AGR3: variants seen among roughly 807,000 people sequenced by gnomAD.
AGR3 encodes the protein anterior gradient protein 3.
Under a neutral mutation model 24.5 loss-of-function variants are expected in AGR3, and 37 were observed. The observed-to-expected ratio is 1.51, with a 90% CI of 1.16 to 1.99. The LOEUF is 1.99. Among genes scored for constraint, AGR3 ranks in the 30% most tolerant of loss-of-function variants. AGR3 has a pLI of 0.00. For synonymous variants in AGR3, 75 were observed against 61.6 expected (o/e 1.22, Z -1.02); for missense variants, 228 against 191.1 (o/e 1.19, Z -1.14).
intron 2 of AGR3, among the ~76,000 whole-genome samples, chr7:16,877,698 C>A (rs1270336113): frequency 6.6e-6 from 1 of 151,858 alleles, no homozygotes; most frequent in African/African-American, 2.4e-5. Context: ...CCCGTCTCTA[C>A]TAAAACTACA....
At chr7:16,875,828 T>C (rs1781976838) in intron 2 of AGR3, among the ~76,000 whole-genome samples, 1 of 152,232 alleles carries the variant, frequency 6.6e-6, no homozygotes, top group South Asian at 2.1e-4. Context: ...ACTCTTGCTC[T>C]CTGTAATAAT....
intron 3 of AGR3, chr7:16,865,565 C>G (rs1781742480): frequency 1.4e-6 from 1 of 701,844 alleles, no homozygotes; most frequent in Non-Finnish European, 2.6e-6. Context: ...ATCGACCAAT[C>G]TTCACATACT....
chr7:16,864,870 G>GA, intron 3 of AGR3: 1 of 865,264 alleles, frequency 1.2e-6, no homozygotes, highest in East Asian at 2.4e-5. Context: ...AGTCACCACT[G>GA]AGGATACCTG....
intron 7 of AGR3, 163 bp downstream of exon 7, chr7:16,860,337 C>T: frequency 3.5e-6 from 2 of 566,798 alleles, no homozygotes; most frequent in East Asian, 2.9e-5. Flanking sequence ...CTGAGGTACC[C>T]CCAAAATTCT....
chr7:16,859,231 C>CAAA (rs35424582), downstream of AGR3, among the ~76,000 whole-genome samples: 6 of 148,288 alleles, frequency 4.0e-5, no homozygotes, highest in East Asian at 2.0e-4. Flanking sequence ...GACTGCATCT[C>CAAA]AAAAAAAAAA....
At chr7:16,870,578 A>G (rs945327928) in intron 3 of AGR3, among the ~76,000 whole-genome samples, 2 of 152,144 alleles carry the variant, frequency 1.3e-5, no homozygotes, top group African/African-American at 4.8e-5. Context: ...TAATATTGTC[A>G]AATACAAAGT....
intron 1 of AGR3, among the ~76,000 whole-genome samples, chr7:16,880,270 C>T (rs1323308165): frequency 3.3e-5 from 5 of 151,254 alleles, no homozygotes; most frequent in Admixed American, 2.6e-4. Context: ...AAGCGATTCT[C>T]CTGCCTCAGC....
intron 4 of AGR3, 25 bp from the exon 5 acceptor site, chr7:16,862,085 G>T: frequency 6.4e-7 from 1 of 1,567,396 alleles, no homozygotes; most frequent in Non-Finnish European, 8.8e-7. Context: ...AAAATTGCCA[G>T]TTAGTTTTAA....
At chr7:16,864,985 G>C (rs983025317) in intron 3 of AGR3, 5 of 980,792 alleles carry the variant, frequency 5.1e-6, no homozygotes, top group Admixed American at 3.4e-5. Flanking sequence ...TGGCATGTGT[G>C]ACATTTCTAC....
chr7:16,870,616 T>A (rs977944052), intron 3 of AGR3, among the ~76,000 whole-genome samples: 3 of 152,168 alleles, frequency 2.0e-5, no homozygotes, highest in African/African-American at 7.2e-5. Context: ...AGATGTTTTA[T>A]TCTATAATGC....
chr7:16,866,062 CT>C (rs1338859590), intron 3 of AGR3: 1 of 619,688 alleles, frequency 1.6e-6, no homozygotes, highest in African/African-American at 1.8e-5. Context: ...GACAGATAGT[CT>C]TTTGAATTTT....
intron 5 of AGR3, among the ~76,000 whole-genome samples, chr7:16,861,654 A>C (rs1468298390): frequency 1.3e-5 from 2 of 152,048 alleles, no homozygotes; most frequent in African/African-American, 4.8e-5. Context: ...TAATCCCAGC[A>C]CTTTGGGAGG....
At position 16,861,380 on chromosome 7, in the gene AGR3, A is replaced by G; in HGVS notation, c.367+4T>C. 1 of 1,602,282 alleles carries G rather than the reference A, an allele frequency of 6.2e-7. No homozygotes were observed. Among genetic ancestry groups the G allele is most frequent in the Non-Finnish European group, 8.5e-7 (1 of 1,173,850 alleles). On this transcript the variant is annotated splice_donor_region_variant and intron_variant, in intron 6 of 7. Transcript: ENST00000310398. ...GATCTGATGAAATGAGATCACATACATACCTACAAACATGATTCTAGGCAC... is the reference window on the plus strand; with the variant it reads ...GATCTGATGAAATGAGATCACATACGTACCTACAAACATGATTCTAGGCAC...
chr7:16,880,588 T>C (rs563148998), intron 1 of AGR3, among the ~76,000 whole-genome samples: 2 of 138,970 alleles, frequency 1.4e-5, no homozygotes, highest in Non-Finnish European at 3.1e-5. Flanking sequence ...TCCCCTCCTT[T>C]CCCCTCCTTT....
intron 3 of AGR3, among the ~76,000 whole-genome samples, chr7:16,868,535 G>C (rs1781804517): frequency 6.6e-6 from 1 of 152,000 alleles, no homozygotes; most frequent in African/African-American, 2.4e-5. Flanking sequence ...TTTTGTTATT[G>C]AGTTTCTTGC....
rs978315544 is a variant in AGR3, at chr7:16,878,719, T to C, written c.-27-74A>G. ...ATTATTAGAAGATATTTGCTAAGAG[T>C]TGGACCAATACTGTGATGACAGACT... On this transcript the variant is annotated intron_variant, in intron 1 of 7. Coordinates refer to ENST00000310398, the MANE Select transcript of AGR3 (RefSeq NM_176813.5). 6.9e-6 allele frequency: 8 copies of C among 1,155,862 alleles called. No homozygotes were observed. In the Admixed American group the frequency reaches 7.6e-5, roughly 11 times the overall value. 71.6% of individuals were successfully genotyped at this position (1,155,862 alleles called of 1,614,324 possible).
intron 5 of AGR3, among the ~76,000 whole-genome samples, chr7:16,861,703 C>G (rs1781646771): frequency 6.6e-6 from 1 of 151,710 alleles, no homozygotes; most frequent in Admixed American, 6.6e-5. Flanking sequence ...GAGTTTGAGA[C>G]CAGCCTAACC....
At chr7:16,855,871 C>G (rs1781550595), downstream of AGR3, among the ~76,000 whole-genome samples, 1 of 152,144 alleles carries the variant, frequency 6.6e-6, no homozygotes, top group Non-Finnish European at 1.5e-5. Context: ...CTGAAAGATC[C>G]TACCAAGAAA....
intron 1 of AGR3, among the ~76,000 whole-genome samples, chr7:16,879,212 T>C (rs1782055128): frequency 6.6e-6 from 1 of 152,212 alleles, no homozygotes; most frequent in Non-Finnish European, 1.5e-5. Flanking sequence ...CAACAATTAC[T>C]CAGACTTTTG....
Sources: gnomAD v4.1 joint callset for allele counts (sites outside exome capture counted in the v4.1 genomes callset) on GRCh38, gnomAD v4.1.1 for gene constraint, MANE v1.5 for transcripts, NCBI Gene and HGNC (gene_info 2026-07-23, HGNC 2026-07-21) for gene names.